The following VPS13B variants were observed in gnomAD, a reference collection of about 807,000 sequenced individuals.
VPS13B encodes the protein intermembrane lipid transfer protein VPS13B.
VPS13B carries 285 observed loss-of-function variants against 426.4 expected under a neutral mutation model. The observed-to-expected ratio is 0.67, with a 90% CI of 0.61 to 0.74. The LOEUF is 0.74. Ranked by LOEUF, VPS13B falls within the 30% of genes least tolerant of loss-of-function variation. VPS13B has a pLI of 0.00. For synonymous variants in VPS13B, 1,676 were observed against 1,676.4 expected, an observed-to-expected ratio of 1.00 and a Z score of 0.01; for missense variants, 4,537 against 4,782.6, an observed-to-expected ratio of 0.95 and a Z score of 1.51.
At chr8:99,560,428 T>G (rs1824847367) in intron 31 of VPS13B, among the ~76,000 whole-genome samples, 1 of 152,164 alleles carries the variant, frequency 6.6e-6, no homozygotes, top group Non-Finnish European at 1.5e-5. Context: ...TCACATCACT[T>G]AACATATTTT....
chr8:99,037,682 A>G (rs1418138303), intron 2 of VPS13B, among the ~76,000 whole-genome samples: 1 of 152,290 alleles, frequency 6.6e-6, no homozygotes, highest in East Asian at 1.9e-4. Flanking sequence ...TAAACAAATT[A>G]TATCTAGAAG....
intron 30 of VPS13B, among the ~76,000 whole-genome samples, chr8:99,553,111 A>G (rs1373786622): frequency 1.3e-5 from 2 of 152,128 alleles, no homozygotes; most frequent in African/African-American, 4.8e-5. Context: ...TGTGCAGTTA[A>G]CAGAGCAGAA....
chr8:99,688,737 G>T (rs1831522803), intron 35 of VPS13B, among the ~76,000 whole-genome samples: 1 of 152,056 alleles, frequency 6.6e-6, no homozygotes, highest in Non-Finnish European at 1.5e-5. Flanking sequence ...TCACTGACAT[G>T]TGGCAGATTG....
intron 23 of VPS13B, 32 bp downstream of exon 23, chr8:99,442,667 TG>T (rs1460492907): frequency 2.5e-6 from 4 of 1,586,618 alleles, no homozygotes; most frequent in Non-Finnish European, 3.5e-6. Flanking sequence ...CTATGGTTAA[TG>T]TTTTATATGG....
intron 21 of VPS13B, among the ~76,000 whole-genome samples, chr8:99,402,438 A>G (rs1334852893): frequency 6.6e-6 from 1 of 152,126 alleles, no homozygotes; most frequent in Non-Finnish European, 1.5e-5. Context: ...TCGGGACTGG[A>G]ACAGAACTTG....
At chr8:99,115,502 T>G (rs1043105775) in intron 6 of VPS13B, among the ~76,000 whole-genome samples, 198 bp from the exon 7 acceptor site, 2 of 152,200 alleles carry the variant, frequency 1.3e-5, no homozygotes, top group African/African-American at 4.8e-5. Flanking sequence ...CGTTTCTATC[T>G]AACGTGTATT....
intron 17 of VPS13B, among the ~76,000 whole-genome samples, chr8:99,197,892 G>A (rs1413291161): frequency 1.3e-5 from 2 of 151,858 alleles, no homozygotes; most frequent in Non-Finnish European, 2.9e-5. Flanking sequence ...TTTCTTTTTG[G>A]GGTGGTGAAA....
chr8:99,871,692 G>A lies in VPS13B; in HGVS notation c.11740G>A (p.Val3914Met). The change falls in exon 61 of 62, where the codon GTG becomes ATG. Residue 3914 changes from valine to methionine, a missense_variant. Coordinates refer to ENST00000357162, the MANE Select transcript of VPS13B (RefSeq NM_152564.5). The stretch of plus-strand genomic sequence containing the variant: ...CAAGCAGCCAAGAGTGGCCTGTGAT[G>A]TGGAGGTACGTTTCAGAAAACAGGG... ...QLKQPRVACD[V>M]EVDGVRERLS... The A allele has an allele frequency of 6.2e-7, 1 of 1,613,564 alleles. No homozygotes were observed. The highest frequency in any genetic ancestry group is 8.5e-7 in the Non-Finnish European group (1 of 1,180,016).
chr8:99,131,382 A>T (rs1190464622), intron 8 of VPS13B, among the ~76,000 whole-genome samples: 1 of 152,202 alleles, frequency 6.6e-6, no homozygotes, highest in African/African-American at 2.4e-5. Flanking sequence ...TAATTTATGT[A>T]ATTTTTGAAA....
intron 19 of VPS13B, among the ~76,000 whole-genome samples, chr8:99,275,740 GATTTC>G (rs1818861996): frequency 6.6e-6 from 1 of 151,916 alleles, no homozygotes; most frequent in African/African-American, 2.4e-5. Flanking sequence ...GAATAGAATC[GATTTC>G]ATTTTATTCA....
At chr8:99,384,034 A>G (rs1392005115) in intron 19 of VPS13B, among the ~76,000 whole-genome samples, 174 bp from the exon 20 acceptor site, 2 of 152,166 alleles carry the variant, frequency 1.3e-5, no homozygotes, top group African/African-American at 4.8e-5. Context: ...AAGTGGGTGT[A>G]CCAGTTTACA....
chr8:99,603,688 A>G (rs1827431235), intron 33 of VPS13B, among the ~76,000 whole-genome samples: 1 of 152,208 alleles, frequency 6.6e-6, no homozygotes, highest in African/African-American at 2.4e-5. Flanking sequence ...TAAGAATGGC[A>G]TACAATTTAA....
intron 21 of VPS13B, among the ~76,000 whole-genome samples, 196 bp downstream of exon 21, chr8:99,391,900 A>G (rs1039440089): frequency 1.3e-5 from 2 of 152,204 alleles, no homozygotes; most frequent in Non-Finnish European, 2.9e-5. Context: ...CCCAGTTTCC[A>G]TAAGGTGGCA....
At chr8:99,274,466 A>G in intron 18 of VPS13B, 134 bp downstream of exon 18, 4 of 1,399,940 alleles carry the variant, frequency 2.9e-6, no homozygotes, top group Non-Finnish European at 3.9e-6. Flanking sequence ...TTTTACTTAG[A>G]AATTTTTCTA....
At chr8:99,696,446 G>A (rs1321915070) in intron 35 of VPS13B, 3 of 368,642 alleles carry the variant, frequency 8.1e-6, no homozygotes, top group Non-Finnish European at 1.1e-5. Flanking sequence ...ACCAGGCAAA[G>A]CGCAGGCAGT....
At chr8:99,435,515 A>G (rs1041642426) in intron 22 of VPS13B, among the ~76,000 whole-genome samples, 2 of 152,176 alleles carry the variant, frequency 1.3e-5, no homozygotes, top group African/African-American at 4.8e-5. Flanking sequence ...AGGTACATCA[A>G]TATTCCACAA....
chr8:99,520,419 G>GTA (rs750609789), intron 29 of VPS13B, among the ~76,000 whole-genome samples: 98 of 151,490 alleles, frequency 6.5e-4, no homozygotes, highest in Non-Finnish European at 1.3e-3. Context: ...GTGTGTGTGT[G>GTA]TGTGTGTGTG....
At chr8:99,790,496 T>C (rs1812485202) in intron 43 of VPS13B, among the ~76,000 whole-genome samples, 1 of 152,178 alleles carries the variant, frequency 6.6e-6, no homozygotes, top group Non-Finnish European at 1.5e-5. Context: ...AAAATTATTA[T>C]AGACATGACA....
intron 43 of VPS13B, among the ~76,000 whole-genome samples, chr8:99,804,668 C>G (rs367545193): frequency 1.6e-4 from 25 of 152,128 alleles, no homozygotes; most frequent in African/African-American, 5.5e-4. Context: ...ACACTAGGCT[C>G]TTGGGATATT....
Sources: allele counts gnomAD v4.1 joint callset (sites outside exome capture counted in the v4.1 genomes callset), GRCh38; gene constraint gnomAD v4.1.1; transcripts MANE v1.5; gene names NCBI Gene and HGNC (gene_info 2026-07-23, HGNC 2026-07-21).